The following UBE2E2 variants were observed in gnomAD, a reference collection of about 807,000 sequenced individuals.
UBE2E2 encodes ubiquitin-conjugating enzyme E2 E2.
UBE2E2 carries 6 observed loss-of-function variants against 24.7 expected under a neutral mutation model. The observed-to-expected ratio is 0.24, with a 90% CI of 0.13 to 0.48. UBE2E2 has a LOEUF of 0.48. UBE2E2 is among the 20% of genes least tolerant of loss of function. The pLI, the probability that UBE2E2 is intolerant of heterozygous loss-of-function variation, is 0.99. For missense variants in UBE2E2, 169 were observed against 245.0 expected (o/e 0.69, Z 2.07); for synonymous variants, 104 against 83.6 (o/e 1.24, Z -1.33).
At chr3:23,203,727 A>G (rs1293855722) in intron 1 of UBE2E2, among the ~76,000 whole-genome samples, 3 of 109,384 alleles carry the variant, frequency 2.7e-5, no homozygotes, top group Non-Finnish European at 3.5e-5. Context: ...TCCTCCTTCT[A>G]CCCCCTTCCG....
intron 3 of UBE2E2, among the ~76,000 whole-genome samples, chr3:23,365,878 A>G (rs1696245176): frequency 6.6e-6 from 1 of 152,328 alleles, no homozygotes; most frequent in East Asian, 1.9e-4. Context: ...CAAGGCTACG[A>G]TAACCAAAAA....
intron 5 of UBE2E2, among the ~76,000 whole-genome samples, chr3:23,584,149 C>G (rs954498104): frequency 5.9e-5 from 9 of 152,100 alleles, no homozygotes; most frequent in Admixed American, 1.3e-4. Flanking sequence ...TTTTAAAAGC[C>G]TTTTCTGCAT....
chr3:23,454,992 C>T (rs1182546331), intron 3 of UBE2E2, among the ~76,000 whole-genome samples: 1 of 152,178 alleles, frequency 6.6e-6, no homozygotes. Flanking sequence ...GACTTGATCC[C>T]TAAGCAGAAT....
chr3:23,524,343 A>G (rs1324198774), intron 4 of UBE2E2, among the ~76,000 whole-genome samples: 1 of 152,160 alleles, frequency 6.6e-6, no homozygotes, highest in Non-Finnish European at 1.5e-5. Context: ...TCTTATAACT[A>G]GTAACTAGGG....
At chr3:23,235,227 G>T (rs561880096) in intron 3 of UBE2E2, among the ~76,000 whole-genome samples, 1 of 152,268 alleles carries the variant, frequency 6.6e-6, no homozygotes, top group South Asian at 2.1e-4. Flanking sequence ...TTGCTATGAA[G>T]AAAACCAGGG....
chr3:23,313,386 C>CTTTTTTTTTTTTTTTTTTT lies in UBE2E2; in HGVS notation c.227+96075_227+96093dup, dbSNP rs34208918. ...TCTTGTAGGCAATGGATCATTGGGT[C>CTTTTTTTTTTTTTTTTTTT]TTTTTTTTTTTTTTTTTTTGAGGGC... On this transcript the variant is annotated intron_variant, in intron 3 of 5. Transcript: ENST00000396703. Among the ~76,000 whole-genome samples the CTTTTTTTTTTTTTTTTTTT allele has an allele frequency of 2.7e-5, 3 of 111,868 alleles. 1 individual carries two copies. The highest frequency in any genetic ancestry group is 3.5e-5 in the African/African-American group (1 of 28,180). The allele number at this position is 111,868 out of a possible 152,430, so 73.4% of individuals were successfully genotyped here.
At chr3:23,419,682 C>T (rs1299901558) in intron 3 of UBE2E2, among the ~76,000 whole-genome samples, 2 of 152,196 alleles carry the variant, frequency 1.3e-5, no homozygotes, top group African/African-American at 2.4e-5. Flanking sequence ...AGAGCAGGGA[C>T]ATACTCCTTT....
intron 5 of UBE2E2, among the ~76,000 whole-genome samples, chr3:23,582,372 A>G (rs116407348): frequency 0.015 from 2,274 of 152,290 alleles, 63 homozygotes; most frequent in African/African-American, 0.051. Flanking sequence ...GTGAACATAC[A>G]CATACATGTT....
At chr3:23,253,014 T>A (rs1303744205) in intron 3 of UBE2E2, among the ~76,000 whole-genome samples, 3 of 152,206 alleles carry the variant, frequency 2.0e-5, no homozygotes, top group Non-Finnish European at 2.9e-5. Context: ...TATTGAATGC[T>A]TAGCATGTGA....
chr3:23,386,233 A>C (rs900744898), intron 3 of UBE2E2, among the ~76,000 whole-genome samples: 2 of 151,888 alleles, frequency 1.3e-5, no homozygotes, highest in Non-Finnish European at 2.9e-5. Flanking sequence ...AGATTGAGGC[A>C]CTGGCAGATT....
intron 3 of UBE2E2, among the ~76,000 whole-genome samples, chr3:23,486,128 A>T (rs1699363093): frequency 6.6e-6 from 1 of 152,216 alleles, no homozygotes; most frequent in African/African-American, 2.4e-5. Context: ...GCCAAGGGTG[A>T]GCCAGGCACA....
At position 23,317,646 on chromosome 3, in the gene UBE2E2, C is replaced by A. The variant is rs1575557256; in HGVS notation, c.227+100334C>A. On this transcript the variant is annotated intron_variant, in intron 3 of 5. Transcript: ENST00000396703. ...CTTGAATGGCAGCAGACAGAGAGAG[C>A]TTGTGCAGGGAAACTCCTCATTGTA... Among the ~76,000 whole-genome samples the A allele has an allele frequency of 2.0e-5, 3 of 152,054 alleles. No individual in the cohort carries two copies. The South Asian group carries it at 6.3e-4, about 32-fold the overall frequency.
chr3:23,294,748 T>A (rs1698865078), intron 3 of UBE2E2, among the ~76,000 whole-genome samples: 1 of 148,642 alleles, frequency 6.7e-6, no homozygotes, highest in Non-Finnish European at 1.5e-5. Flanking sequence ...TTTGTATCTT[T>A]AGATTATTTT....
At position 23,354,434 on chromosome 3, in the gene UBE2E2, A is replaced by G. The variant is rs570772811; in HGVS notation, c.227+137122A>G. Among the ~76,000 whole-genome samples the G allele has an allele frequency of 2.0e-5, 3 of 152,352 alleles. No homozygotes were observed. In the East Asian group the frequency reaches 5.8e-4, roughly 29 times the overall value. On this transcript the variant is annotated intron_variant, in intron 3 of 5. Coordinates refer to ENST00000396703, the MANE Select transcript of UBE2E2 (RefSeq NM_152653.4). ...GCACAGCAAAAGAAACTACCATCAGAGTGAACAGGCAACCTGCAAAATGGG... is the reference window on the plus strand; with the variant it reads ...GCACAGCAAAAGAAACTACCATCAGGGTGAACAGGCAACCTGCAAAATGGG...
chr3:23,500,323 C>G (rs992198721), intron 4 of UBE2E2, among the ~76,000 whole-genome samples: 1 of 152,088 alleles, frequency 6.6e-6, no homozygotes, highest in Admixed American at 6.6e-5. Flanking sequence ...TGAAACTAAT[C>G]AATGAAAAGT....
chr3:23,494,424 T>C (rs949928655), intron 3 of UBE2E2, among the ~76,000 whole-genome samples: 1 of 152,246 alleles, frequency 6.6e-6, no homozygotes, highest in African/African-American at 2.4e-5. Flanking sequence ...TGAGCTATTT[T>C]ACTTTCTTTT....
chr3:23,469,267 G>A (rs1315822579), intron 3 of UBE2E2, among the ~76,000 whole-genome samples: 2 of 152,090 alleles, frequency 1.3e-5, no homozygotes, highest in Non-Finnish European at 2.9e-5. Flanking sequence ...CAATTTGTGG[G>A]GGACACAAAC....
intron 3 of UBE2E2, among the ~76,000 whole-genome samples, chr3:23,445,624 T>G (rs1234971969): frequency 6.6e-6 from 1 of 152,222 alleles, no homozygotes; most frequent in African/African-American, 2.4e-5. Context: ...CTTTTTGCCT[T>G]GACAGTTGGT....
chr3:23,479,354 A>G (rs910398262), intron 3 of UBE2E2, among the ~76,000 whole-genome samples: 1 of 152,194 alleles, frequency 6.6e-6, no homozygotes, highest in Admixed American at 6.5e-5. Context: ...GACTTCTGCT[A>G]CAGGCACCTG....
Sources: allele counts gnomAD v4.1 joint callset (sites outside exome capture counted in the v4.1 genomes callset), GRCh38; gene constraint gnomAD v4.1.1; transcripts MANE v1.5; gene names NCBI Gene and HGNC (gene_info 2026-07-23, HGNC 2026-07-21).